TMEM200A: variants seen among roughly 807,000 people sequenced by gnomAD.
The protein encoded by TMEM200A is two transmembrane C.
TMEM200A carries 12 observed loss-of-function variants against 24.3 expected under a neutral mutation model. That is an observed-to-expected ratio of 0.49 (90% confidence interval 0.32 to 0.80). TMEM200A has a LOEUF of 0.80. Among genes scored for constraint, TMEM200A ranks in the 30% least tolerant of loss-of-function variants. The pLI, the probability that TMEM200A is intolerant of heterozygous loss-of-function variation, is 0.04. For missense variants in TMEM200A, 545 were observed against 614.4 expected (o/e 0.89, Z 1.19); for synonymous variants, 224 against 224.4 (o/e 1.00, Z 0.02).
At chr6:130,421,636 A>T (rs1583217534) in intron 2 of TMEM200A, among the ~76,000 whole-genome samples, 1 of 151,974 alleles carries the variant, frequency 6.6e-6, no homozygotes, top group African/African-American at 2.4e-5. Flanking sequence ...TGTACATTAC[A>T]TCTCTAGAAC....
Position 130,441,317 on chromosome 6 carries a change from G to C in TMEM200A, c.895G>C (p.Val299Leu). The C allele has an allele frequency of 6.2e-7, 1 of 1,614,088 alleles. No homozygotes were observed. The highest frequency in any genetic ancestry group is 1.1e-5 in the South Asian group (1 of 91,080). ...TLPVIKLNNC[V>L]IDEPSIDNIT... The stretch of plus-strand genomic sequence containing the variant: ...GCCTGTGATCAAACTTAATAACTGT[G>C]TTATTGATGAGCCCAGTATAGATAA... The change falls in exon 3 of 3, where the codon GTT becomes CTT. Residue 299 changes from valine (V) to leucine (L), a missense_variant. Coordinates refer to ENST00000296978, the MANE Select transcript of TMEM200A (RefSeq NM_001258277.2).
intron 2 of TMEM200A, among the ~76,000 whole-genome samples, chr6:130,425,671 C>G (rs1371435152): frequency 6.6e-6 from 1 of 152,134 alleles, no homozygotes; most frequent in Non-Finnish European, 1.5e-5. Context: ...GTTGGAAGAG[C>G]TGCTAAAACA....
At chr6:130,374,406 GTTTTT>G (rs1778395455) in intron 1 of TMEM200A, among the ~76,000 whole-genome samples, 1 of 148,914 alleles carries the variant, frequency 6.7e-6, no homozygotes, top group Admixed American at 6.7e-5. Flanking sequence ...TTTTGTTTTT[GTTTTT>G]GTTTTTGTTT....
chr6:130,368,161 T>C (rs1778228678), intron 1 of TMEM200A, among the ~76,000 whole-genome samples: 1 of 152,218 alleles, frequency 6.6e-6, no homozygotes, highest in Non-Finnish European at 1.5e-5. Flanking sequence ...GTTAGATTGT[T>C]ATATTTGGAC....
intron 2 of TMEM200A, among the ~76,000 whole-genome samples, chr6:130,399,233 T>G (rs1272744508): frequency 2.0e-5 from 3 of 152,108 alleles, no homozygotes; most frequent in Non-Finnish European, 4.4e-5. Context: ...TGTAATGTTT[T>G]ACTTCATTGT....
In TMEM200A at chr6:130,436,630, C is replaced by CTTTTTTTTTTTTTTTTTTTTT. The variant is rs1583233634; in HGVS notation, c.-16-3777_-16-3776insTTTTTTTTTTTTTTTTTTTTT. ...TTCACTAGGCTTCGTTTTTCTTTAT[C>CTTTTTTTTTTTTTTTTTTTTT]CTTTTTTTTTTTTTTTTTTTTTTTT... is the stretch of plus-strand genomic sequence containing the variant. On this transcript the variant is annotated intron_variant, in intron 2 of 2. Coordinates refer to ENST00000296978, the MANE Select transcript of TMEM200A (RefSeq NM_001258277.2). 9.6e-4 allele frequency among the ~76,000 whole-genome samples: 64 copies of CTTTTTTTTTTTTTTTTTTTTT among 66,776 alleles called. 22 individuals carry two copies. The highest frequency in any genetic ancestry group is 3.1e-3 in the East Asian group (6 of 1,964). The allele number at this position is 66,776 out of a possible 152,430, so 43.8% of individuals were successfully genotyped here.
intron 2 of TMEM200A, among the ~76,000 whole-genome samples, chr6:130,409,725 A>G (rs567975783): frequency 1.6e-4 from 25 of 152,228 alleles, no homozygotes; most frequent in Non-Finnish European, 2.8e-4. Context: ...CCAGTGACCT[A>G]GAATTTGGGA....
intron 2 of TMEM200A, among the ~76,000 whole-genome samples, chr6:130,394,045 GC>G (rs769930209): frequency 6.6e-6 from 1 of 152,100 alleles, no homozygotes; most frequent in Non-Finnish European, 1.5e-5. Context: ...AGTTGAAATA[GC>G]AACAAATCAC....
At chr6:130,412,510 G>C (rs112984490) in intron 2 of TMEM200A, among the ~76,000 whole-genome samples, 2 of 152,066 alleles carry the variant, frequency 1.3e-5, no homozygotes, top group African/African-American at 4.8e-5. Flanking sequence ...CTCCTCTCTT[G>C]GCTTGGGCTC....
chr6:130,368,937 G>C (rs1486740571), intron 1 of TMEM200A, among the ~76,000 whole-genome samples: 5 of 152,128 alleles, frequency 3.3e-5, no homozygotes, highest in African/African-American at 1.2e-4. Flanking sequence ...CGATCTTTAT[G>C]GTCTCTCTTT....
intron 2 of TMEM200A, chr6:130,437,165 C>T (rs1780042212): frequency 6.6e-6 from 1 of 152,278 alleles, no homozygotes; most frequent in South Asian, 2.1e-4. Context: ...TTGGCTGTCC[C>T]TCTCGCTCTG....
intron 2 of TMEM200A, chr6:130,438,617 T>C (rs554024351): frequency 6.6e-6 from 1 of 152,374 alleles, no homozygotes; most frequent in South Asian, 2.1e-4. Flanking sequence ...TACAGTAATA[T>C]GGTGGTCATC....
At chr6:130,436,809 G>GCTAA (rs1780032496) in intron 2 of TMEM200A, among the ~76,000 whole-genome samples, 1 of 151,590 alleles carries the variant, frequency 6.6e-6, no homozygotes, top group African/African-American at 2.4e-5. Flanking sequence ...ACCATGCCTG[G>GCTAA]CTAACTTGCT....
At chr6:130,375,988 G>T (rs879798941) in intron 1 of TMEM200A, among the ~76,000 whole-genome samples, 1 of 103,462 alleles carries the variant, frequency 9.7e-6, no homozygotes, top group South Asian at 4.1e-4. Context: ...TAAATATAAC[G>T]TAAATATATT....
At chr6:130,413,921 A>G (rs1008054762) in intron 2 of TMEM200A, among the ~76,000 whole-genome samples, 1 of 152,138 alleles carries the variant, frequency 6.6e-6, no homozygotes, top group African/African-American at 2.4e-5. Context: ...TCCAAATAGG[A>G]GTTTTAAATT....
chr6:130,420,008 C>A (rs981870130), intron 2 of TMEM200A, among the ~76,000 whole-genome samples: 3 of 152,036 alleles, frequency 2.0e-5, no homozygotes, highest in Non-Finnish European at 4.4e-5. Context: ...TATGAAGCTT[C>A]TTTTATAAGG....
intron 2 of TMEM200A, among the ~76,000 whole-genome samples, chr6:130,433,454 C>A (rs892571334): frequency 2.6e-5 from 4 of 152,110 alleles, no homozygotes; most frequent in African/African-American, 9.7e-5. Context: ...GATTTTTATT[C>A]TATTTTTATT....
At position 130,441,355 on chromosome 6, in the gene TMEM200A, T is replaced by G; in HGVS notation, c.933T>G (p.Asp311Glu). Residue 311 changes from aspartate to glutamate, a missense_variant, in exon 3 of 3, where the codon GAT becomes GAG. Physicochemically the swap from Asp to Glu is conservative, Grantham distance 45 (BLOSUM62 2). Transcript: ENST00000296978. ...CCAGTATAGATAACATCACTGAAGA[T>G]GCTGACAACCTCAAAAGTAGGTCAA... ...DEPSIDNITE[D>E]ADNLKSRSRN... is the part of the protein sequence containing the mutation. 1 of 1,614,164 alleles carries G rather than the reference T, an allele frequency of 6.2e-7. No homozygotes were observed.
chr6:130,381,995 A>G (rs1237659657), intron 1 of TMEM200A: 2 of 983,452 alleles, frequency 2.0e-6, no homozygotes. Context: ...CTTCAAAGAT[A>G]GTTTTAAAGA....
Sources: allele counts gnomAD v4.1 joint callset (sites outside exome capture counted in the v4.1 genomes callset), GRCh38; gene constraint gnomAD v4.1.1; transcripts MANE v1.5; gene names NCBI Gene and HGNC (gene_info 2026-07-23, HGNC 2026-07-21).